SAMD4A: variants seen among roughly 807,000 people sequenced by gnomAD.
SAMD4A encodes sterile alpha motif domain containing 4A, also known as protein Smaug homolog 1.
In SAMD4A, 33 loss-of-function variants were observed where a neutral mutation model predicts 81.3. The ratio of observed to expected loss-of-function variants is 0.41; its 90% CI spans 0.31 to 0.54. The LOEUF is 0.54. Among genes scored for constraint, SAMD4A ranks in the 20% least tolerant of loss-of-function variants. SAMD4A has a pLI of 0.37. For synonymous variants in SAMD4A, 389 were observed against 382.1 expected (o/e 1.02, Z -0.21); for missense variants, 854 against 951.1 (o/e 0.90, Z 1.34).
intron 2 of SAMD4A, among the ~76,000 whole-genome samples, chr14:54,598,846 G>C (rs1308626559): frequency 6.6e-6 from 1 of 151,602 alleles, no homozygotes; most frequent in Non-Finnish European, 1.5e-5. Context: ...TCTTGTACAG[G>C]GTCTCACTCT....
chr14:54,771,291 T>C (rs954180308), intron 9 of SAMD4A, among the ~76,000 whole-genome samples: 3 of 152,218 alleles, frequency 2.0e-5, no homozygotes, highest in Non-Finnish European at 4.4e-5. Context: ...TTTAAGAATA[T>C]TAATACATTT....
intron 6 of SAMD4A, chr14:54,754,937 G>A (rs145290774): frequency 8.8e-5 from 63 of 717,044 alleles, no homozygotes; most frequent in Admixed American, 1.9e-4. Context: ...AGCTGGGGAC[G>A]TGCATTGGGA....
chr14:54,701,629 T>A (rs1471696468), intron 2 of SAMD4A, among the ~76,000 whole-genome samples: 1 of 152,206 alleles, frequency 6.6e-6, no homozygotes, highest in African/African-American at 2.4e-5. Context: ...TTTCAACAGA[T>A]GTCTGGGGGA....
chr14:54,687,950 A>G (rs953752307), intron 2 of SAMD4A: 5 of 986,550 alleles, frequency 5.1e-6, no homozygotes, highest in Non-Finnish European at 6.0e-6. Flanking sequence ...TGCCTCTGAC[A>G]TCATAATACC....
Position 54,760,403 on chromosome 14 carries a change from G to A in SAMD4A, c.1419G>A (p.Pro473=), listed in dbSNP as rs1264703467. ...CCGGGGCCAGCGGGGGGCTCCAGCC[G>A]CACCAGCTGAGCAGCTGCGATGGGG... ...PSAGASGGLQ[P]HQLSSCDGEL... The change falls in exon 7 of 13, where the codon CCG becomes CCA. Residue 473 remains proline (P), a synonymous_variant. Coordinates refer to ENST00000554335, the MANE Select transcript of SAMD4A (RefSeq NM_015589.6). 6 of 1,481,024 alleles carry A rather than the reference G, an allele frequency of 4.1e-6. No individual in the cohort carries two copies. The highest frequency in any genetic ancestry group is 2.5e-5 in the East Asian group (1 of 39,230). The allele number at this position is 1,481,024 out of a possible 1,614,324, so 91.7% of individuals were successfully genotyped here.
At chr14:54,774,905 T>G in intron 9 of SAMD4A, 29 bp from the exon 10 acceptor site, 2 of 1,612,312 alleles carry the variant, frequency 1.2e-6, no homozygotes, top group South Asian at 1.1e-5. Context: ...ACGACTGATA[T>G]TCTCTTCCTT....
intron 2 of SAMD4A, among the ~76,000 whole-genome samples, chr14:54,607,675 C>G (rs757094213): frequency 1.3e-5 from 2 of 151,894 alleles, no homozygotes; most frequent in Non-Finnish European, 2.9e-5. Flanking sequence ...AGGATGGTCT[C>G]GATCTCCTGA....
chr14:54,692,877 C>CCA (rs1555343982), intron 2 of SAMD4A: 2 of 7,346 alleles, frequency 2.7e-4, no homozygotes, highest in Admixed American at 2.4e-3. Flanking sequence ...TCACTTAGTG[C>CCA]CCCCCCCCGC....
intron 3 of SAMD4A, chr14:54,735,166 C>G (rs965372158): frequency 1.3e-5 from 2 of 151,016 alleles, no homozygotes; most frequent in African/African-American, 4.9e-5. Flanking sequence ...GGATGTCTGG[C>G]TTTTCTTCCT....
intron 2 of SAMD4A, among the ~76,000 whole-genome samples, chr14:54,588,287 C>T (rs1158464248): frequency 4.0e-5 from 6 of 151,872 alleles, no homozygotes; most frequent in Admixed American, 1.3e-4. Context: ...TGGTTAATCT[C>T]GCTAATGGTC....
At chr14:54,751,399 A>C in intron 5 of SAMD4A, 52 bp from the exon 6 acceptor site, 1 of 1,218,784 alleles carries the variant, frequency 8.2e-7, no homozygotes, top group Non-Finnish European at 1.2e-6. Context: ...GCTGATTCTT[A>C]AAAATATGTT....
At chr14:54,747,811 C>T (rs544632447) in intron 4 of SAMD4A, among the ~76,000 whole-genome samples, 10 of 152,248 alleles carry the variant, frequency 6.6e-5, no homozygotes, top group South Asian at 4.2e-4. Context: ...GACTTCATTT[C>T]GCCATCTTTA....
chr14:54,636,154 G>C (rs980783035), intron 2 of SAMD4A, among the ~76,000 whole-genome samples: 17 of 152,204 alleles, frequency 1.1e-4, no homozygotes, highest in Admixed American at 3.9e-4. Flanking sequence ...GTGAGCCTCA[G>C]CTAGAAGGTG....
chr14:54,699,967 G>A (rs975993009), intron 2 of SAMD4A, among the ~76,000 whole-genome samples: 9 of 152,228 alleles, frequency 5.9e-5, no homozygotes, highest in Non-Finnish European at 7.3e-5. Context: ...CCCACTTGAA[G>A]TGAGTCAAGC....
intron 2 of SAMD4A, among the ~76,000 whole-genome samples, chr14:54,642,587 ATTCATGTAC>A (rs2035198895): frequency 6.6e-6 from 1 of 152,170 alleles, no homozygotes; most frequent in African/African-American, 2.4e-5. Flanking sequence ...TCATCTATCC[ATTCATGTAC>A]TGATTTGTGG....
At position 54,641,949 on chromosome 14, in the gene SAMD4A, C is replaced by T. The variant is rs143020723; in HGVS notation, c.197-60113C>T. 1.6e-3 allele frequency among the ~76,000 whole-genome samples: 247 copies of T among 152,218 alleles called. 4 individuals are homozygous for T. In the East Asian group the frequency reaches 0.027, roughly 17 times the overall value. The stretch of plus-strand genomic sequence containing the variant: ...AGTAGTTGGGATTACAGGTGCACAC[C>T]ACCACGCCCAGCTAATTTTTGTATT... On this transcript the variant is annotated intron_variant, in intron 2 of 12. Transcript: ENST00000554335.
At chr14:54,707,948 C>T (rs190371343) in intron 3 of SAMD4A, among the ~76,000 whole-genome samples, 1 of 152,264 alleles carries the variant, frequency 6.6e-6, no homozygotes. Context: ...TAGGTCATTG[C>T]AAGGACTTGG....
chr14:54,763,101 C>T (rs1438906498), intron 7 of SAMD4A, among the ~76,000 whole-genome samples: 1 of 151,840 alleles, frequency 6.6e-6, no homozygotes, highest in Non-Finnish European at 1.5e-5. Context: ...GTGATCTGCC[C>T]GCCTCAGCCT....
At chr14:54,608,950 T>A (rs2034287559) in intron 2 of SAMD4A, among the ~76,000 whole-genome samples, 1 of 152,184 alleles carries the variant, frequency 6.6e-6, no homozygotes, top group African/African-American at 2.4e-5. Flanking sequence ...CAAGAATAAG[T>A]AAAAGGCGCT....
Sources: gnomAD v4.1 joint callset for allele counts (sites outside exome capture counted in the v4.1 genomes callset) on GRCh38, gnomAD v4.1.1 for gene constraint, MANE v1.5 for transcripts, NCBI Gene and HGNC (gene_info 2026-07-23, HGNC 2026-07-21) for gene names.